The following ST3GAL3 variants were observed in gnomAD, a reference collection of about 807,000 sequenced individuals.
ST3GAL3 encodes the protein ST3 beta-galactoside alpha-2,3-sialyltransferase 3, also known as CMP-N-acetylneuraminate-beta-1,4-galactoside alpha-2,3-sialyltransferase.
ST3GAL3 carries 21 observed loss-of-function variants against 50.1 expected under a neutral mutation model. The observed-to-expected ratio is 0.42, with a 90% CI of 0.30 to 0.60. The LOEUF (loss-of-function observed/expected upper bound fraction) is 0.60. Among genes scored for constraint, ST3GAL3 ranks in the 20% least tolerant of loss-of-function variants. The probability of loss-of-function intolerance (pLI) is 0.19; values close to 1 mark genes in which losing one functional copy is unlikely to be tolerated. For missense variants in ST3GAL3, 353 were observed against 489.4 expected (o/e 0.72, Z 2.63); for synonymous variants, 183 against 190.0 (o/e 0.96, Z 0.30).
intron 5 of ST3GAL3, among the ~76,000 whole-genome samples, chr1:43,862,028 TAAAAA>T (rs78700565): frequency 7.6e-6 from 1 of 130,972 alleles, no homozygotes; most frequent in Non-Finnish European, 1.7e-5. Context: ...AAATCTGTCT[TAAAAA>T]AAAAAAAAAA....
At chr1:43,881,203 G>T (rs2428852) in intron 5 of ST3GAL3, among the ~76,000 whole-genome samples, 1 of 151,900 alleles carries the variant, frequency 6.6e-6, no homozygotes, top group African/African-American at 2.4e-5. Context: ...TAGAGACAGG[G>T]TTTCACCATG....
intron 3 of ST3GAL3, among the ~76,000 whole-genome samples, chr1:43,808,475 CAG>C (rs1007275312): frequency 1.3e-5 from 2 of 151,616 alleles, no homozygotes; most frequent in South Asian, 2.1e-4. Flanking sequence ...GAGAAAAAAA[CAG>C]AAAAAAAAAT....
At chr1:43,716,395 G>A (rs769466063) in intron 1 of ST3GAL3, 1 of 152,136 alleles carries the variant, frequency 6.6e-6, no homozygotes, top group African/African-American at 2.4e-5. Context: ...CTTTTTCGTG[G>A]TGCAGGTTTC....
chr1:43,735,083 A>C (rs1677809132), intron 1 of ST3GAL3, among the ~76,000 whole-genome samples: 1 of 152,200 alleles, frequency 6.6e-6, no homozygotes, highest in Admixed American at 6.5e-5. Flanking sequence ...GGTTGAGAGA[A>C]GCAAGAGATG....
At chr1:43,860,902 G>A (rs988964876) in intron 5 of ST3GAL3, among the ~76,000 whole-genome samples, 6 of 152,246 alleles carry the variant, frequency 3.9e-5, no homozygotes, top group Non-Finnish European at 8.8e-5. Context: ...TTGAGCTGAG[G>A]CAAAAGTGGT....
In ST3GAL3 at chr1:43,769,320, G is replaced by A. The variant is rs145750355; in HGVS notation, c.119-22782G>A. ...ATATTTTAAGGGTGAAATTTTGAAA[G>A]TTTTCCCTTCAAGATCAGGAACAAG... On this transcript the variant is annotated intron_variant, in intron 2 of 11. Coordinates refer to ENST00000347631, the MANE Select transcript of ST3GAL3 (RefSeq NM_006279.5). Among the ~76,000 whole-genome samples, 176 of 152,272 alleles carry A rather than the reference G, an allele frequency of 1.2e-3. 1 individual carries two copies. The highest frequency in any genetic ancestry group is 3.9e-3 in the African/African-American group (164 of 41,556).
At chr1:43,750,207 A>G (rs1163746611) in intron 2 of ST3GAL3, among the ~76,000 whole-genome samples, 1 of 152,126 alleles carries the variant, frequency 6.6e-6, no homozygotes, top group Non-Finnish European at 1.5e-5. Context: ...CAACTTAGCA[A>G]CTCTCTTGTG....
chr1:43,861,397 C>G (rs1286741007), intron 5 of ST3GAL3, among the ~76,000 whole-genome samples: 1 of 151,940 alleles, frequency 6.6e-6, no homozygotes, highest in East Asian at 1.9e-4. Flanking sequence ...TGCCTCAACT[C>G]TCATGGAGAC....
At chr1:43,927,688 AC>A (rs1222453010) in intron 11 of ST3GAL3, among the ~76,000 whole-genome samples, 1 of 152,154 alleles carries the variant, frequency 6.6e-6, no homozygotes, top group Non-Finnish European at 1.5e-5. Context: ...AACAGTCCCT[AC>A]CCTCAAAGAG....
intron 5 of ST3GAL3, chr1:43,850,665 TC>T: frequency 1.4e-6 from 1 of 723,684 alleles, no homozygotes; most frequent in Non-Finnish European, 2.5e-6. Context: ...TGAATGGAGA[TC>T]CACGAGGATC....
Position 43,871,644 on chromosome 1 carries a change from G to A in ST3GAL3, c.303-22739G>A, listed in dbSNP as rs191223990. 5.7e-4 allele frequency among the ~76,000 whole-genome samples: 64 copies of A among 111,746 alleles called. No homozygotes were observed. The East Asian group carries it at 0.018, about 31-fold the overall frequency. 73.3% of individuals were successfully genotyped at this position (111,746 alleles called of 152,430 possible). ...TGTGAGGGAGAAGATGGGGTGTGAGGGAGAAGATGGGATGTGAGGGAGAAG... is the reference window on the plus strand; with the variant it reads ...TGTGAGGGAGAAGATGGGGTGTGAGAGAGAAGATGGGATGTGAGGGAGAAG... On this transcript the variant is annotated intron_variant, in intron 5 of 11. Coordinates refer to ENST00000347631, the MANE Select transcript of ST3GAL3 (RefSeq NM_006279.5).
At chr1:43,774,071 A>G (rs1487871462) in intron 2 of ST3GAL3, among the ~76,000 whole-genome samples, 2 of 146,550 alleles carry the variant, frequency 1.4e-5, no homozygotes, top group Non-Finnish European at 3.1e-5. Flanking sequence ...TAATTATAAG[A>G]GGCAAAAAAG....
intron 5 of ST3GAL3, among the ~76,000 whole-genome samples, chr1:43,869,761 T>C (rs1007525552): frequency 6.6e-6 from 1 of 152,232 alleles, no homozygotes; most frequent in African/African-American, 2.4e-5. Flanking sequence ...CAATATAAAC[T>C]GTTCGTTTCC....
At chr1:43,817,929 C>G (rs951389570) in intron 4 of ST3GAL3, among the ~76,000 whole-genome samples, 3 of 150,998 alleles carry the variant, frequency 2.0e-5, no homozygotes, top group African/African-American at 7.3e-5. Flanking sequence ...CAGACAGGCT[C>G]TTGCTATGTT....
At chr1:43,717,310 G>A (rs1413000714) in intron 1 of ST3GAL3, among the ~76,000 whole-genome samples, 1 of 152,126 alleles carries the variant, frequency 6.6e-6, no homozygotes, top group Non-Finnish European at 1.5e-5. Flanking sequence ...ATAGCTGGTA[G>A]CATAGTTCCA....
chr1:43,797,402 A>G (rs2058801861), intron 3 of ST3GAL3, among the ~76,000 whole-genome samples: 1 of 152,200 alleles, frequency 6.6e-6, no homozygotes, highest in Non-Finnish European at 1.5e-5. Context: ...TCAGAGTTCC[A>G]TATGAAATTT....
chr1:43,827,339 A>C (rs1180269223), intron 4 of ST3GAL3, among the ~76,000 whole-genome samples: 1 of 151,200 alleles, frequency 6.6e-6, no homozygotes, highest in Non-Finnish European at 1.5e-5. Flanking sequence ...CATTAGTGCC[A>C]AAAAAAAAGG....
chr1:43,720,871 C>A (rs1670077794), intron 1 of ST3GAL3, among the ~76,000 whole-genome samples: 1 of 152,122 alleles, frequency 6.6e-6, no homozygotes, highest in South Asian at 2.1e-4. Context: ...AGAAACAACC[C>A]AGATGTCTTG....
chr1:43,729,431 G>A (rs1419962589), intron 1 of ST3GAL3, among the ~76,000 whole-genome samples: 2 of 152,104 alleles, frequency 1.3e-5, no homozygotes, highest in African/African-American at 4.8e-5. Flanking sequence ...TTCAATACAA[G>A]TCAAAATATT....
Sources: allele counts gnomAD v4.1 joint callset (sites outside exome capture counted in the v4.1 genomes callset), GRCh38; gene constraint gnomAD v4.1.1; transcripts MANE v1.5; gene names NCBI Gene and HGNC (gene_info 2026-07-23, HGNC 2026-07-21).